The following ITGA11 variants were observed in gnomAD, a reference collection of about 807,000 sequenced individuals.
The protein encoded by ITGA11 is integrin subunit alpha 11, also known as integrin alpha-11.
ITGA11 carries 97 observed loss-of-function variants against 141.9 expected under a neutral mutation model. That is an observed-to-expected ratio of 0.68 (90% CI 0.58 to 0.81). ITGA11 has a LOEUF of 0.81. Ranked by LOEUF, ITGA11 falls within the 30% of genes least tolerant of loss-of-function variation. The probability of loss-of-function intolerance (pLI) is 0.00; values close to 1 mark genes in which losing one functional copy is unlikely to be tolerated. For synonymous variants in ITGA11, 658 were observed against 624.6 expected (o/e 1.05, Z -0.80); for missense variants, 1,387 against 1,559.2 (o/e 0.89, Z 1.86).
At chr15:68,375,972 G>C (rs1895717214) in intron 2 of ITGA11, among the ~76,000 whole-genome samples, 1 of 152,150 alleles carries the variant, frequency 6.6e-6, no homozygotes, top group South Asian at 2.1e-4. Context: ...CCTTGAGAAA[G>C]AGAATTCTCC....
At chr15:68,334,429 G>C (rs1894279532) in intron 12 of ITGA11, among the ~76,000 whole-genome samples, 1 of 152,190 alleles carries the variant, frequency 6.6e-6, no homozygotes, top group African/African-American at 2.4e-5. Context: ...GTTGGAACTG[G>C]GGTCTGTCTG....
intron 1 of ITGA11, among the ~76,000 whole-genome samples, chr15:68,407,914 G>T (rs538729628): frequency 1.3e-5 from 2 of 152,342 alleles, no homozygotes; most frequent in East Asian, 3.9e-4. Context: ...TATGGCTAAG[G>T]CCATTCAACA....
chr15:68,334,466 C>A (rs1894280709), intron 12 of ITGA11, among the ~76,000 whole-genome samples: 2 of 152,200 alleles, frequency 1.3e-5, no homozygotes, highest in African/African-American at 4.8e-5. Context: ...TTCTGCCTAC[C>A]CCGTCCATCT....
chr15:68,371,681 G>A (rs902248256), intron 2 of ITGA11, among the ~76,000 whole-genome samples: 1 of 152,038 alleles, frequency 6.6e-6, no homozygotes, highest in African/African-American at 2.4e-5. Context: ...TCATGCCACT[G>A]TACTCCGGCC....
chr15:68,348,004 A>G (rs1323896770), intron 10 of ITGA11, among the ~76,000 whole-genome samples: 2 of 152,212 alleles, frequency 1.3e-5, no homozygotes, highest in Non-Finnish European at 1.5e-5. Flanking sequence ...AGGAGCACGT[A>G]TCGATACTGA....
chr15:68,411,696 C>T (rs1368444989), intron 1 of ITGA11, among the ~76,000 whole-genome samples: 1 of 152,240 alleles, frequency 6.6e-6, no homozygotes, highest in Non-Finnish European at 1.5e-5. Flanking sequence ...TCTATATGCA[C>T]ACCCTTTACC....
chr15:68,355,015 C>T (rs1895026746), intron 7 of ITGA11, among the ~76,000 whole-genome samples: 1 of 152,228 alleles, frequency 6.6e-6, no homozygotes, highest in Admixed American at 6.5e-5. Flanking sequence ...TCATGAGTCA[C>T]TGATGGTTCA....
At chr15:68,306,638 G>T (rs1463047400) in intron 28 of ITGA11, among the ~76,000 whole-genome samples, 1 of 152,240 alleles carries the variant, frequency 6.6e-6, no homozygotes, top group Non-Finnish European at 1.5e-5. Flanking sequence ...CTCCTTAGGT[G>T]GATCCTGATA....
intron 2 of ITGA11, among the ~76,000 whole-genome samples, chr15:68,390,975 T>C (rs559098627): frequency 6.6e-5 from 10 of 152,144 alleles, no homozygotes; most frequent in Non-Finnish European, 1.2e-4. Context: ...AGCCAATGTC[T>C]CCTAAATGAC....
intron 3 of ITGA11, among the ~76,000 whole-genome samples, chr15:68,366,767 C>T (rs1895434761): frequency 6.6e-6 from 1 of 152,124 alleles, no homozygotes; most frequent in South Asian, 2.1e-4. Flanking sequence ...TATCTCCCTA[C>T]ACAGGCCCTG....
chr15:68,365,383 A>C (rs1895386412), intron 3 of ITGA11: 2 of 972,582 alleles, frequency 2.1e-6, no homozygotes, highest in African/African-American at 3.5e-5. Flanking sequence ...CTGCCAAGAG[A>C]GGTGCTTAGG....
chr15:68,397,976 C>T (rs1176416269), intron 2 of ITGA11, among the ~76,000 whole-genome samples: 1 of 149,498 alleles, frequency 6.7e-6, no homozygotes, highest in Non-Finnish European at 1.5e-5. Context: ...CACCACCAGG[C>T]CTGCCCTAAA....
At chr15:68,354,827 G>A (rs531854030) in intron 7 of ITGA11, among the ~76,000 whole-genome samples, 34 of 152,316 alleles carry the variant, frequency 2.2e-4, no homozygotes, top group Admixed American at 1.4e-3. Context: ...AAGCCCTCAT[G>A]TTCATGGCCT....
intron 2 of ITGA11, among the ~76,000 whole-genome samples, chr15:68,370,111 G>A (rs181834245): frequency 6.6e-6 from 1 of 152,176 alleles, no homozygotes; most frequent in African/African-American, 2.4e-5. Context: ...CCTGCGGAGG[G>A]AGTGCGGACC....
chr15:68,363,865 C>T (rs1223767130), intron 4 of ITGA11, among the ~76,000 whole-genome samples: 1 of 152,222 alleles, frequency 6.6e-6, no homozygotes, highest in Non-Finnish European at 1.5e-5. Flanking sequence ...TATGTGCTCA[C>T]CTGGGCACAG....
intron 2 of ITGA11, among the ~76,000 whole-genome samples, chr15:68,390,481 G>T (rs1044606142): frequency 1.3e-5 from 2 of 152,088 alleles, no homozygotes; most frequent in African/African-American, 4.8e-5. Flanking sequence ...TGGAAACAGC[G>T]GATCCTTGGG....
At chr15:68,372,287 CACT>C (rs1442149830) in intron 2 of ITGA11, among the ~76,000 whole-genome samples, 2 of 152,184 alleles carry the variant, frequency 1.3e-5, no homozygotes, top group Non-Finnish European at 2.9e-5. Context: ...TTCACGTCAC[CACT>C]GAGACCAGCC....
rs1295792680 is a variant in ITGA11, at chr15:68,322,756, G to C, written c.2323-1253C>G. Among the ~76,000 whole-genome samples the C allele has an allele frequency of 6.6e-6, 1 of 151,982 alleles. No homozygotes were observed. Among genetic ancestry groups the C allele is most frequent in the African/African-American group, 2.4e-5 (1 of 41,324 alleles). ...AGTGGCTGCAGTCCCAGCTACTCGG[G>C]AGGCTGAGGCAGGAGAATTGCTTGA... On this transcript the variant is annotated intron_variant, in intron 18 of 29. Transcript: ENST00000315757. This position sits in a 1 kb window ranked among gnomAD's most constrained non-coding sequence, Gnocchi z 5.6.
intron 1 of ITGA11, among the ~76,000 whole-genome samples, chr15:68,415,756 G>C (rs1385592931): frequency 6.6e-6 from 1 of 152,234 alleles, no homozygotes; most frequent in Non-Finnish European, 1.5e-5. Flanking sequence ...GCTCATGTGT[G>C]TCATGAGGGG....
Sources: allele counts gnomAD v4.1 joint callset (sites outside exome capture counted in the v4.1 genomes callset), GRCh38; gene constraint gnomAD v4.1.1; non-coding constraint Gnocchi (gnomAD v3.1); transcripts MANE v1.5; gene names NCBI Gene and HGNC (gene_info 2026-07-23, HGNC 2026-07-21).